GPR141: variants seen among roughly 807,000 people sequenced by gnomAD.
GPR141 encodes probable G protein-coupled receptor 141.
Under a neutral mutation model 6.8 loss-of-function variants are expected in GPR141, and 6 were observed. The ratio of observed to expected loss-of-function variants is 0.88; its 90% confidence interval spans 0.48 to 1.74. The LOEUF is 1.74. Among genes scored for constraint, GPR141 ranks in the 40% most tolerant of loss-of-function variants. GPR141 has a pLI of 0.01. For missense variants in GPR141, 372 were observed against 372.9 expected (o/e 1.00, Z 0.02); for synonymous variants, 140 against 142.3 (o/e 0.98, Z 0.11).
At chr7:37,708,486 A>G (rs1199910627) in intron 2 of GPR141, among the ~76,000 whole-genome samples, 7 of 152,116 alleles carry the variant, frequency 4.6e-5, no homozygotes, top group African/African-American at 1.7e-4. Flanking sequence ...ATGTTCAGAG[A>G]GTGGTGAAAG....
chr7:37,691,287 CCTTTTTTT>C (rs1281433561), intron 2 of GPR141, among the ~76,000 whole-genome samples: 3 of 93,660 alleles, frequency 3.2e-5, no homozygotes, highest in Admixed American at 1.5e-4. Context: ...CAGTCTATAT[CCTTTTTTT>C]TTTTTTTTTT....
chr7:37,689,053 T>C (rs1431594849), intron 2 of GPR141, among the ~76,000 whole-genome samples: 1 of 152,152 alleles, frequency 6.6e-6, no homozygotes, highest in Non-Finnish European at 1.5e-5. Flanking sequence ...CATTAAACAG[T>C]TACTCCCCAT....
chr7:37,689,286 ATTT>A (rs1809653165), intron 2 of GPR141, among the ~76,000 whole-genome samples: 1 of 151,978 alleles, frequency 6.6e-6, no homozygotes, highest in African/African-American at 2.4e-5. Context: ...GCCAGATTCC[ATTT>A]ACTAGTATTT....
At chr7:37,718,518 AG>A (rs1350795891) in intron 2 of GPR141, among the ~76,000 whole-genome samples, 1 of 43,020 alleles carries the variant, frequency 2.3e-5, no homozygotes. Flanking sequence ...TCTCGAAGGA[AG>A]GAAGAAAGGA....
At chr7:37,702,242 A>G (rs1810307696) in intron 2 of GPR141, among the ~76,000 whole-genome samples, 1 of 152,144 alleles carries the variant, frequency 6.6e-6, no homozygotes, top group Non-Finnish European at 1.5e-5. Context: ...TAAAATGTAC[A>G]TCTATTTCTG....
intron 2 of GPR141, among the ~76,000 whole-genome samples, chr7:37,723,974 C>T (rs1013752217): frequency 2.6e-5 from 4 of 152,206 alleles, no homozygotes; most frequent in African/African-American, 9.6e-5. Flanking sequence ...AAGGCTCTCC[C>T]TGGGAATGGA....
intron 2 of GPR141, among the ~76,000 whole-genome samples, chr7:37,719,686 A>G (rs1484172425): frequency 6.6e-6 from 1 of 152,246 alleles, no homozygotes; most frequent in Non-Finnish European, 1.5e-5. Flanking sequence ...TGTACAGTTC[A>G]TAGGCAGCTG....
Position 37,741,145 on chromosome 7 carries a change from T to C in GPR141, c.752T>C (p.Val251Ala), listed in dbSNP as rs768882527. The C allele has an allele frequency of 1.1e-5, 18 of 1,614,058 alleles. No homozygotes were observed. In the East Asian group the frequency reaches 1.6e-4, roughly 14 times the overall value. ...YQFFRIYYLN[V>A]VTHSNACNSK... Reference sequence around the variant, plus strand: ...TTCTTTAGGATCTATTACTTGAATGTTGTGACGCATTCCAATGCCTGTAAC... The same window carrying C: ...TTCTTTAGGATCTATTACTTGAATGCTGTGACGCATTCCAATGCCTGTAAC... Residue 251 changes from valine (V) to alanine (A), a missense_variant, in exon 3 of 3, where the codon GTT becomes GCT. Val to Ala is a moderately conservative substitution (Grantham distance 64, BLOSUM62 0). Transcript: ENST00000334425.
chr7:37,696,563 C>T (rs918854951), intron 2 of GPR141, among the ~76,000 whole-genome samples: 4 of 151,666 alleles, frequency 2.6e-5, no homozygotes, highest in African/African-American at 7.3e-5. Context: ...TGTTATTCAG[C>T]CCAGCACAAG....
At chr7:37,709,978 G>A (rs926555198) in intron 2 of GPR141, among the ~76,000 whole-genome samples, 1 of 147,554 alleles carries the variant, frequency 6.8e-6, no homozygotes, top group African/African-American at 2.4e-5. Context: ...CCCGCAGTAA[G>A]CATTCTCTCA....
chr7:37,709,177 AAAG>A (rs1337800884), intron 2 of GPR141, among the ~76,000 whole-genome samples: 1 of 152,226 alleles, frequency 6.6e-6, no homozygotes, highest in Non-Finnish European at 1.5e-5. Context: ...TCGTACACAG[AAAG>A]AAATAAAAAT....
chr7:37,741,631 G>T lies in GPR141; in HGVS notation c.*320G>T, dbSNP rs991825226. On this transcript the variant is annotated 3_prime_UTR_variant, in exon 3 of 3. Transcript: ENST00000334425. ...TTAGAGTTTCATTAGCTCATTCTAA[G>T]TTCCTCTGTTTGAAGCATGGTCTCT... Among the ~76,000 whole-genome samples the T allele has an allele frequency of 6.6e-6, 1 of 152,156 alleles. No homozygotes were observed. Among genetic ancestry groups the T allele is most frequent in the Non-Finnish European group, 1.5e-5 (1 of 68,024 alleles).
chr7:37,695,540 T>C (rs1809975712), intron 2 of GPR141, among the ~76,000 whole-genome samples: 1 of 152,202 alleles, frequency 6.6e-6, no homozygotes, highest in Non-Finnish European at 1.5e-5. Context: ...TCCTCCTGGC[T>C]CCCAGCTGAT....
chr7:37,723,258 G>T (rs1349777618), intron 2 of GPR141, among the ~76,000 whole-genome samples: 2 of 151,982 alleles, frequency 1.3e-5, no homozygotes, highest in South Asian at 2.1e-4. Flanking sequence ...CTCCCAAAGT[G>T]CCTGGATTAT....
At chr7:37,721,313 A>T (rs775556673) in intron 2 of GPR141, among the ~76,000 whole-genome samples, 6 of 152,188 alleles carry the variant, frequency 3.9e-5, no homozygotes, top group Non-Finnish European at 8.8e-5. Flanking sequence ...AGTATCATAT[A>T]AGAAATTTCC....
At chr7:37,690,712 T>G (rs549632092) in intron 2 of GPR141, among the ~76,000 whole-genome samples, 6 of 152,236 alleles carry the variant, frequency 3.9e-5, no homozygotes, top group African/African-American at 1.4e-4. Context: ...GTGTTGAGGA[T>G]TGTTTTGTGG....
intron 2 of GPR141, among the ~76,000 whole-genome samples, chr7:37,729,510 C>T (rs1247209576): frequency 6.6e-6 from 1 of 152,222 alleles, no homozygotes; most frequent in Non-Finnish European, 1.5e-5. Context: ...GTTAACAACT[C>T]ATGACCACTA....
intron 2 of GPR141, among the ~76,000 whole-genome samples, chr7:37,734,211 T>C (rs550560850): frequency 6.6e-6 from 1 of 152,272 alleles, no homozygotes; most frequent in South Asian, 2.1e-4. Context: ...AATTATTATG[T>C]TGTATATTGT....
chr7:37,701,095 C>T (rs907716189), intron 2 of GPR141, among the ~76,000 whole-genome samples: 1 of 152,178 alleles, frequency 6.6e-6, no homozygotes, highest in African/African-American at 2.4e-5. Context: ...AGTGAACATA[C>T]TCCTAGTAGT....
Sources: gnomAD v4.1 joint callset for allele counts (sites outside exome capture counted in the v4.1 genomes callset) on GRCh38, gnomAD v4.1.1 for gene constraint, MANE v1.5 for transcripts, NCBI Gene and HGNC (gene_info 2026-07-23, HGNC 2026-07-21) for gene names.